PARD3: variants seen among roughly 807,000 people sequenced by gnomAD.
PARD3 encodes the protein partitioning defective 3 homolog.
In PARD3, 75 loss-of-function variants were observed where a neutral mutation model predicts 155.4. The observed-to-expected ratio is 0.48, with a 90% CI of 0.40 to 0.58. PARD3 has a LOEUF of 0.58. Ranked by LOEUF, PARD3 falls within the 20% of genes least tolerant of loss-of-function variation. The probability of loss-of-function intolerance (pLI) is 0.00; values close to 1 mark genes in which losing one functional copy is unlikely to be tolerated. For synonymous variants in PARD3, 576 were observed against 610.5 expected, an observed-to-expected ratio of 0.94 and a Z score of 0.83; for missense variants, 1,642 against 1,721.7, an observed-to-expected ratio of 0.95 and a Z score of 0.82.
intron 24 of PARD3, 66 bp from the exon 25 acceptor site, chr10:34,111,628 C>T: frequency 2.3e-6 from 3 of 1,328,314 alleles, no homozygotes; most frequent in Admixed American, 2.2e-5. Context: ...GGAAAGGGGG[C>T]AGGATGGGAT....
intron 1 of PARD3, among the ~76,000 whole-genome samples, chr10:34,726,651 C>G (rs537696851): frequency 6.6e-6 from 1 of 152,048 alleles, no homozygotes; most frequent in Non-Finnish European, 1.5e-5. Context: ...GTCCCAGCTA[C>G]TCAGGAGGCT....
chr10:34,275,080 T>C (rs1955811539), intron 21 of PARD3, among the ~76,000 whole-genome samples: 1 of 152,198 alleles, frequency 6.6e-6, no homozygotes, highest in African/African-American at 2.4e-5. Flanking sequence ...CTCAGCTGCC[T>C]TCTTTTACCC....
At chr10:34,773,682 T>C (rs182562428) in intron 1 of PARD3, among the ~76,000 whole-genome samples, 1 of 152,334 alleles carries the variant, frequency 6.6e-6, no homozygotes, top group East Asian at 1.9e-4. Flanking sequence ...ATTTTAACTT[T>C]TGAGTCTCTG....
At chr10:34,254,092 A>C (rs1224613544) in intron 22 of PARD3, among the ~76,000 whole-genome samples, 3 of 152,194 alleles carry the variant, frequency 2.0e-5, no homozygotes, top group Non-Finnish European at 4.4e-5. Flanking sequence ...AAACTAAAAA[A>C]ATTTTAAGGC....
rs576559132 is a variant in PARD3, at chr10:34,253,932, G to A, written c.3419+15725C>T. On this transcript the variant is annotated intron_variant, in intron 22 of 24. Coordinates refer to ENST00000374788, the MANE Select transcript of PARD3 (RefSeq NM_001184785.2). ...TGACGGGCAGCAGAGACTTGGAAGCGTGGGAGTGGGAGGGGGCTGGATGAT... is the reference window on the plus strand; with the variant it reads ...TGACGGGCAGCAGAGACTTGGAAGCATGGGAGTGGGAGGGGGCTGGATGAT... 3.9e-5 allele frequency among the ~76,000 whole-genome samples: 6 copies of A among 152,270 alleles called. No homozygotes were observed. In the South Asian group the frequency reaches 6.2e-4, roughly 16 times the overall value.
At chr10:34,238,522 T>C (rs1359968921) in intron 22 of PARD3, among the ~76,000 whole-genome samples, 3 of 151,972 alleles carry the variant, frequency 2.0e-5, no homozygotes, top group South Asian at 4.1e-4. Flanking sequence ...CTCCCACACA[T>C]AGGGGTCCCA....
At chr10:34,483,278 T>C (rs909154074) in intron 3 of PARD3, among the ~76,000 whole-genome samples, 1 of 151,988 alleles carries the variant, frequency 6.6e-6, no homozygotes, top group Admixed American at 6.6e-5. Context: ...GCCCAGGAGT[T>C]TGAGACCTGC....
chr10:34,483,637 G>A (rs556421163), intron 3 of PARD3, among the ~76,000 whole-genome samples: 4 of 152,270 alleles, frequency 2.6e-5, no homozygotes, highest in Non-Finnish European at 5.9e-5. Flanking sequence ...CAGATAGAAT[G>A]TAAGACCCAC....
chr10:34,115,803 C>T (rs1178286878), intron 24 of PARD3, among the ~76,000 whole-genome samples: 3 of 151,664 alleles, frequency 2.0e-5, no homozygotes, highest in Non-Finnish European at 4.4e-5. Flanking sequence ...AGCTCCGCCT[C>T]CCGGGTTCAC....
chr10:34,197,855 G>A lies in PARD3; in HGVS notation c.3420-66272C>T, dbSNP rs147929994. Among the ~76,000 whole-genome samples, 435 of 152,234 alleles carry A rather than the reference G, an allele frequency of 2.9e-3. 12 individuals carry two copies. The East Asian group carries it at 0.07, about 24-fold the overall frequency. The stretch of plus-strand genomic sequence containing the variant: ...AGTGATTCTCCTGCCCCAGCCTCCC[G>A]AGCAGCGGGGACTACAGGCGCACGC... On this transcript the variant is annotated intron_variant, in intron 22 of 24. Transcript: ENST00000374788.
intron 1 of PARD3, among the ~76,000 whole-genome samples, chr10:34,769,223 GA>G (rs1323948777): frequency 2.6e-5 from 4 of 152,122 alleles, no homozygotes; most frequent in Non-Finnish European, 5.9e-5. Context: ...GACCTCCACG[GA>G]TACTGAGCAC....
At chr10:34,330,923 C>T (rs956694775) in intron 19 of PARD3, among the ~76,000 whole-genome samples, 194 bp downstream of exon 19, 1 of 151,990 alleles carries the variant, frequency 6.6e-6, no homozygotes, top group African/African-American at 2.4e-5. Context: ...CCAAAAAACC[C>T]CAGTGTATAC....
intron 2 of PARD3, among the ~76,000 whole-genome samples, chr10:34,675,268 T>C (rs974716867): frequency 1.3e-5 from 2 of 152,240 alleles, no homozygotes; most frequent in Admixed American, 6.5e-5. Flanking sequence ...CTTTGTCAGA[T>C]TGTATCATTC....
intron 20 of PARD3, 148 bp from the exon 21 acceptor site, chr10:34,284,393 A>C (rs1956292582): frequency 2.0e-6 from 1 of 508,114 alleles, no homozygotes. Flanking sequence ...TTGGGTCAGG[A>C]CTAGTATTTT....
intron 22 of PARD3, among the ~76,000 whole-genome samples, chr10:34,183,268 C>A (rs965649435): frequency 6.6e-6 from 1 of 152,194 alleles, no homozygotes; most frequent in Non-Finnish European, 1.5e-5. Context: ...TGCTCTGTCG[C>A]CCAGACTGGA....
At chr10:34,495,469 C>G (rs1262741570) in intron 3 of PARD3, among the ~76,000 whole-genome samples, 1 of 152,216 alleles carries the variant, frequency 6.6e-6, no homozygotes, top group African/African-American at 2.4e-5. Flanking sequence ...CATTTTCAGA[C>G]ATAGCTGTGA....
chr10:34,230,461 C>T (rs897046669), intron 22 of PARD3, among the ~76,000 whole-genome samples: 3 of 152,106 alleles, frequency 2.0e-5, no homozygotes, highest in East Asian at 1.9e-4. Flanking sequence ...CATCTCAATA[C>T]GGCCAATATC....
rs79540066 is a variant in PARD3, at chr10:34,228,219, T to C, written c.3419+41438A>G. Among the ~76,000 whole-genome samples, 644 of 151,860 alleles carry C rather than the reference T, an allele frequency of 4.2e-3. 10 individuals carry two copies. Among genetic ancestry groups the C allele is most frequent in the African/African-American group, 0.015 (607 of 41,268 alleles). ...GTGGGAGCTAAACATTGAGTACACATGGACACAAAGAGGGAACAATAGACA... is the reference window on the plus strand; with the variant it reads ...GTGGGAGCTAAACATTGAGTACACACGGACACAAAGAGGGAACAATAGACA... On this transcript the variant is annotated intron_variant, in intron 22 of 24. Coordinates refer to ENST00000374788, the MANE Select transcript of PARD3 (RefSeq NM_001184785.2).
At chr10:34,221,332 G>A (rs778710227) in intron 22 of PARD3, among the ~76,000 whole-genome samples, 4 of 151,038 alleles carry the variant, frequency 2.6e-5, no homozygotes, top group Non-Finnish European at 5.9e-5. Flanking sequence ...TGGGAGTTCC[G>A]CAGAGGTGCT....
Sources: allele counts gnomAD v4.1 joint callset (sites outside exome capture counted in the v4.1 genomes callset), GRCh38; gene constraint gnomAD v4.1.1; transcripts MANE v1.5; gene names NCBI Gene and HGNC (gene_info 2026-07-23, HGNC 2026-07-21).